Variants in FBXW7 observed in about 807,000 individuals in gnomAD.
FBXW7 encodes the protein F-box and WD repeat domain containing 7, also known as F-box/WD repeat-containing protein 7.
Under a neutral mutation model 86.3 loss-of-function variants are expected in FBXW7, and 11 were observed. The ratio of observed to expected loss-of-function variants is 0.13; its 90% CI spans 0.08 to 0.21. The LOEUF is 0.21. FBXW7 is among the 10% of genes least tolerant of loss of function. The probability of loss-of-function intolerance (pLI) is 1.00; values close to 1 mark genes in which losing one functional copy is unlikely to be tolerated. For synonymous variants in FBXW7, 313 were observed against 297.9 expected, an observed-to-expected ratio of 1.05 and a Z score of -0.52; for missense variants, 488 against 847.4, an observed-to-expected ratio of 0.58 and a Z score of 5.27.
intron 6 of FBXW7, among the ~76,000 whole-genome samples, chr4:152,344,081 C>T (rs1233030560): frequency 1.3e-5 from 2 of 152,126 alleles, no homozygotes; most frequent in Non-Finnish European, 2.9e-5. Context: ...TGAAATGCCC[C>T]CACAGTATAT....
intron 2 of FBXW7, among the ~76,000 whole-genome samples, chr4:152,416,653 G>T (rs1175427176): frequency 6.6e-6 from 1 of 152,050 alleles, no homozygotes; most frequent in Non-Finnish European, 1.5e-5. Flanking sequence ...CACAAAATGG[G>T]CAATACTGGC....
chr4:152,508,556 G>T (rs1747647251), intron 2 of FBXW7, among the ~76,000 whole-genome samples: 1 of 151,520 alleles, frequency 6.6e-6, no homozygotes, highest in South Asian at 2.1e-4. Flanking sequence ...AGGCATGGTG[G>T]TGTGCACCTG....
At chr4:152,491,212 A>G (rs994703350) in intron 2 of FBXW7, among the ~76,000 whole-genome samples, 8 of 152,288 alleles carry the variant, frequency 5.3e-5, no homozygotes, top group African/African-American at 1.9e-4. Context: ...TCTCACATTC[A>G]TACATTTTAT....
At chr4:152,352,819 C>G (rs1731973151) in intron 4 of FBXW7, 1 of 1,553,942 alleles carries the variant, frequency 6.4e-7, no homozygotes, top group Non-Finnish European at 8.6e-7. Flanking sequence ...CCTGTCAAAG[C>G]CTTGACTGAA....
intron 2 of FBXW7, among the ~76,000 whole-genome samples, chr4:152,493,263 C>G (rs1451462888): frequency 1.3e-5 from 2 of 152,004 alleles, no homozygotes; most frequent in African/African-American, 4.8e-5. Context: ...CTCCCAGGTT[C>G]AAGCGATTCT....
chr4:152,416,846 G>C (rs1198835304), intron 2 of FBXW7, among the ~76,000 whole-genome samples: 3 of 151,980 alleles, frequency 2.0e-5, no homozygotes, highest in Non-Finnish European at 4.4e-5. Flanking sequence ...ATTTTGTTTT[G>C]GCTAAATTTA....
At chr4:152,382,936 G>A (rs1268762644) in intron 4 of FBXW7, among the ~76,000 whole-genome samples, 4 of 151,630 alleles carry the variant, frequency 2.6e-5, no homozygotes, top group East Asian at 1.9e-4. Context: ...ATATTATAAT[G>A]AGCACTATTT....
chr4:152,432,320 A>G (rs1739970585), intron 2 of FBXW7, among the ~76,000 whole-genome samples: 1 of 152,232 alleles, frequency 6.6e-6, no homozygotes, highest in Non-Finnish European at 1.5e-5. Context: ...CCAACCAAGA[A>G]GAGCAAAGAA....
At chr4:152,403,240 G>A (rs1369464257) in intron 4 of FBXW7, among the ~76,000 whole-genome samples, 1 of 152,180 alleles carries the variant, frequency 6.6e-6, no homozygotes, top group Non-Finnish European at 1.5e-5. Flanking sequence ...CACTTTGAGA[G>A]GCCAAGGCAG....
chr4:152,409,566 G>A (rs1737737859), intron 4 of FBXW7, among the ~76,000 whole-genome samples: 1 of 152,016 alleles, frequency 6.6e-6, no homozygotes, highest in Admixed American at 6.6e-5. Flanking sequence ...AAAACATTTA[G>A]AAAAATTTCA....
At position 152,535,376 on chromosome 4, in the gene FBXW7, G is replaced by A. The variant is rs572659252; in HGVS notation, c.-462C>T. 5 of 380,724 alleles carry A rather than the reference G, an allele frequency of 1.3e-5. No homozygotes were observed. In the Admixed American group the frequency reaches 2.3e-4, roughly 17 times the overall value. 23.6% of individuals were successfully genotyped at this position (380,724 alleles called of 1,614,324 possible). On this transcript the variant is annotated 5_prime_UTR_variant, in exon 1 of 14. Coordinates refer to ENST00000281708, the MANE Select transcript of FBXW7 (RefSeq NM_001349798.2). Reference sequence around the variant, plus strand: ...AGCCGGGGGGCCGGCGACTGGCCAAGGGAGAAGACCCCCGGAGGGGGCTGA... The same window carrying A: ...AGCCGGGGGGCCGGCGACTGGCCAAAGGAGAAGACCCCCGGAGGGGGCTGA...
At chr4:152,333,248 T>C (rs1266692969) in intron 7 of FBXW7, among the ~76,000 whole-genome samples, 2 of 152,124 alleles carry the variant, frequency 1.3e-5, no homozygotes, top group Non-Finnish European at 2.9e-5. Flanking sequence ...TCCTTGACTG[T>C]AAATGACAAA....
At chr4:152,324,006 T>G in intron 13 of FBXW7, 178 bp downstream of exon 13, 2 of 587,510 alleles carry the variant, frequency 3.4e-6, no homozygotes. Flanking sequence ...AAAACACAGT[T>G]TAAAACATTT....
chr4:152,369,184 G>A (rs1237214821), intron 4 of FBXW7, among the ~76,000 whole-genome samples: 1 of 151,950 alleles, frequency 6.6e-6, no homozygotes, highest in Admixed American at 6.6e-5. Context: ...GTCTTATGAG[G>A]GCTTCATAAT....
At chr4:152,481,776 A>G (rs1317805270) in intron 2 of FBXW7, among the ~76,000 whole-genome samples, 3 of 152,260 alleles carry the variant, frequency 2.0e-5, no homozygotes, top group Non-Finnish European at 4.4e-5. Context: ...GCAGAGCCTG[A>G]TAACATGATT....
chr4:152,361,526 G>A (rs1256810202), intron 4 of FBXW7, among the ~76,000 whole-genome samples: 2 of 152,094 alleles, frequency 1.3e-5, no homozygotes, highest in Admixed American at 6.6e-5. Context: ...TCTTTTATGT[G>A]CAGTGAACTG....
chr4:152,349,925 TG>T (rs1261353951), intron 5 of FBXW7, 116 bp downstream of exon 5: 13 of 460,988 alleles, frequency 2.8e-5, no homozygotes, highest in Non-Finnish European at 4.9e-5. Context: ...TCTCAAAATG[TG>T]TTAAACAGTC....
At chr4:152,404,285 T>C (rs891915327) in intron 4 of FBXW7, among the ~76,000 whole-genome samples, 10 of 152,210 alleles carry the variant, frequency 6.6e-5, no homozygotes, top group Non-Finnish European at 1.2e-4. Flanking sequence ...AGAATAATAA[T>C]TGGTTTCCAG....
chr4:152,492,338 T>C (rs923449812), intron 2 of FBXW7, among the ~76,000 whole-genome samples: 5 of 152,220 alleles, frequency 3.3e-5, no homozygotes, highest in African/African-American at 1.2e-4. Context: ...GTAAATCGAC[T>C]GTAAATATAA....
Sources: gnomAD v4.1 joint callset for allele counts (sites outside exome capture counted in the v4.1 genomes callset) on GRCh38, gnomAD v4.1.1 for gene constraint, MANE v1.5 for transcripts, NCBI Gene and HGNC (gene_info 2026-07-23, HGNC 2026-07-21) for gene names.